The following CNTLN variants were observed in gnomAD, a reference collection of about 807,000 sequenced individuals.
CNTLN encodes the protein centlein, centrosomal protein.
In CNTLN, 212 loss-of-function variants were observed where a neutral mutation model predicts 180.0. The observed-to-expected ratio is 1.18, with a 90% CI of 1.05 to 1.32. The LOEUF is 1.32. Among genes scored for constraint, CNTLN ranks in the 40% most tolerant of loss-of-function variants. CNTLN has a pLI of 0.00. For synonymous variants in CNTLN, 722 were observed against 563.1 expected, an observed-to-expected ratio of 1.28 and a Z score of -3.99; for missense variants, 2,095 against 1,610.9, an observed-to-expected ratio of 1.30 and a Z score of -5.14.
chr9:17,457,517 A>T lies in CNTLN; in HGVS notation c.3115-7A>T. On this transcript the variant is annotated splice_region_variant and splice_polypyrimidine_tract_variant and intron_variant, in intron 18 of 25. Coordinates refer to ENST00000380647, the MANE Select transcript of CNTLN (RefSeq NM_017738.4). ...ATTTATATTTATTTTCTTTTTTTAA[A>T]AAAAAGAAGCTAAATTTGGATTTGG... 10 of 1,415,424 alleles carry T rather than the reference A, an allele frequency of 7.1e-6. No homozygotes were observed. Among genetic ancestry groups the T allele is most frequent in the Non-Finnish European group, 8.4e-6 (9 of 1,076,858 alleles). 87.7% of individuals were successfully genotyped at this position (1,415,424 alleles called of 1,614,324 possible).
chr9:17,513,961 G>A, the CNTLN span, among the ~76,000 whole-genome samples: 2 of 152,086 alleles, frequency 1.3e-5, no homozygotes, highest in African/African-American at 2.4e-5. Flanking sequence ...TCAATTTTAA[G>A]GTAATATATG....
intron 15 of CNTLN, 26 bp downstream of exon 15, chr9:17,395,095 G>A (rs1008071390): frequency 1.9e-6 from 3 of 1,581,036 alleles, no homozygotes; most frequent in Non-Finnish European, 1.7e-6. Flanking sequence ...ACTTAGCTCT[G>A]TGGTGGGGAC....
intron 5 of CNTLN, among the ~76,000 whole-genome samples, chr9:17,265,699 A>G (rs1454824914): frequency 1.3e-5 from 2 of 152,148 alleles, no homozygotes; most frequent in Admixed American, 1.3e-4. Flanking sequence ...GCTATTGATT[A>G]TTGCCACAAT....
At chr9:17,251,717 G>C (rs138147245) in intron 5 of CNTLN, among the ~76,000 whole-genome samples, 11 of 151,878 alleles carry the variant, frequency 7.2e-5, no homozygotes, top group African/African-American at 2.7e-4. Context: ...GTCACCTTGA[G>C]TTTTTATCAG....
At chr9:17,377,377 C>G (rs1824859704) in intron 13 of CNTLN, among the ~76,000 whole-genome samples, 1 of 152,076 alleles carries the variant, frequency 6.6e-6, no homozygotes, top group Non-Finnish European at 1.5e-5. Context: ...AAACTCTCTA[C>G]TAAAAATACA....
At chr9:17,416,347 A>G (rs901433603) in intron 18 of CNTLN, among the ~76,000 whole-genome samples, 158 bp downstream of exon 18, 2 of 152,206 alleles carry the variant, frequency 1.3e-5, no homozygotes. Context: ...TAATTACTGG[A>G]CTTCTTTAAT....
intron 9 of CNTLN, 71 bp from the exon 10 acceptor site, chr9:17,332,534 C>G (rs548646899): frequency 4.3e-6 from 6 of 1,382,938 alleles, no homozygotes; most frequent in East Asian, 2.7e-5. Context: ...ATTACTTGTT[C>G]TTTAATTTTG....
intron 8 of CNTLN, among the ~76,000 whole-genome samples, chr9:17,322,774 G>C (rs1820007258): frequency 6.6e-6 from 1 of 151,820 alleles, no homozygotes; most frequent in South Asian, 2.1e-4. Context: ...AGTATTTTTT[G>C]TTAGAATACA....
At chr9:17,493,343 G>T (rs1026207449) in intron 25 of CNTLN, among the ~76,000 whole-genome samples, 1 of 152,012 alleles carries the variant, frequency 6.6e-6, no homozygotes, top group Non-Finnish European at 1.5e-5. Flanking sequence ...CAAAATATTG[G>T]GAGGCTCTTA....
intron 2 of CNTLN, among the ~76,000 whole-genome samples, chr9:17,215,761 C>T (rs752212848): frequency 1.3e-5 from 2 of 152,160 alleles, no homozygotes; most frequent in Non-Finnish European, 2.9e-5. Flanking sequence ...GTGGGCACCC[C>T]TTCTCCAGCC....
chr9:17,414,135 G>C (rs560527563), intron 16 of CNTLN, among the ~76,000 whole-genome samples: 16 of 152,268 alleles, frequency 1.1e-4, no homozygotes, highest in African/African-American at 3.8e-4. Flanking sequence ...TGCATTCTGT[G>C]TTGCTATTTA....
chr9:17,254,314 C>T (rs777947049), intron 5 of CNTLN, among the ~76,000 whole-genome samples: 6 of 151,624 alleles, frequency 4.0e-5, no homozygotes, highest in Non-Finnish European at 7.4e-5. Context: ...GGCATAGTCC[C>T]AATTTTATGT....
chr9:17,497,909 T>C (rs923280470), intron 25 of CNTLN, among the ~76,000 whole-genome samples: 2 of 152,188 alleles, frequency 1.3e-5, no homozygotes, highest in African/African-American at 2.4e-5. Flanking sequence ...TGTAAATAAA[T>C]GCATATACCA....
intron 5 of CNTLN, among the ~76,000 whole-genome samples, chr9:17,264,502 G>T (rs887916660): frequency 1.3e-5 from 2 of 149,634 alleles, no homozygotes; most frequent in Non-Finnish European, 3.0e-5. Context: ...TGTTCTTTTG[G>T]CTTAGGATTG....
At chr9:17,439,326 A>G (rs1318351856) in intron 18 of CNTLN, among the ~76,000 whole-genome samples, 1 of 152,230 alleles carries the variant, frequency 6.6e-6, no homozygotes, top group African/African-American at 2.4e-5. Context: ...ACAAAACAAC[A>G]TTCCATAAAT....
At chr9:17,292,652 G>T (rs899507895) in intron 6 of CNTLN, among the ~76,000 whole-genome samples, 1 of 152,050 alleles carries the variant, frequency 6.6e-6, no homozygotes, top group African/African-American at 2.4e-5. Context: ...AACTCCATTA[G>T]GTTATTTATG....
At chr9:17,453,697 T>G (rs1225504966) in intron 18 of CNTLN, among the ~76,000 whole-genome samples, 3 of 152,150 alleles carry the variant, frequency 2.0e-5, no homozygotes, top group African/African-American at 7.2e-5. Context: ...CTGCCTTTTT[T>G]GAAAAATTCA....
chr9:17,477,270 G>A (rs905687468), intron 23 of CNTLN, among the ~76,000 whole-genome samples: 2 of 152,140 alleles, frequency 1.3e-5, no homozygotes, highest in African/African-American at 4.8e-5. Flanking sequence ...TGTACATTGA[G>A]ATTAATGCTG....
intron 18 of CNTLN, among the ~76,000 whole-genome samples, chr9:17,456,329 T>C (rs1287266603): frequency 6.6e-6 from 1 of 152,158 alleles, no homozygotes; most frequent in Non-Finnish European, 1.5e-5. Context: ...TAAAAATCTA[T>C]AGAACCATAC....
Sources: gnomAD v4.1 joint callset for allele counts (sites outside exome capture counted in the v4.1 genomes callset) on GRCh38, gnomAD v4.1.1 for gene constraint, MANE v1.5 for transcripts, NCBI Gene and HGNC (gene_info 2026-07-23, HGNC 2026-07-21) for gene names.